Variants in POU2F3 observed in about 807,000 individuals in gnomAD.
POU2F3 encodes POU domain, class 2, transcription factor 3.
Under a neutral mutation model 59.2 loss-of-function variants are expected in POU2F3, and 23 were observed. The observed-to-expected ratio is 0.39, with a 90% CI of 0.28 to 0.55. The LOEUF (loss-of-function observed/expected upper bound fraction) is 0.55, where lower values mean the gene tolerates loss of function less well. Ranked by LOEUF, POU2F3 falls within the 20% of genes least tolerant of loss-of-function variation. The pLI, the probability that POU2F3 is intolerant of heterozygous loss-of-function variation, is 0.66. For synonymous variants in POU2F3, 190 were observed against 214.6 expected (o/e 0.89, Z 1.00); for missense variants, 473 against 544.5 (o/e 0.87, Z 1.31).
At chr11:120,238,490 CA>C (rs901105440), upstream of POU2F3, among the ~76,000 whole-genome samples, 1 of 151,942 alleles carries the variant, frequency 6.6e-6, no homozygotes, top group African/African-American at 2.4e-5. Context: ...AGTTACCAAC[CA>C]GGGGGTAAGC....
At chr11:120,279,547 A>T in intron 3 of POU2F3, among the ~76,000 whole-genome samples, 1 of 152,146 alleles carries the variant, frequency 6.6e-6, no homozygotes, top group East Asian at 1.9e-4. Flanking sequence ...GGAATCCATC[A>T]TCTCCCAATC....
chr11:120,260,642 A>G (rs1257185173), intron 2 of POU2F3, among the ~76,000 whole-genome samples: 1 of 152,150 alleles, frequency 6.6e-6, no homozygotes, highest in African/African-American at 2.4e-5. Flanking sequence ...AATCCCTCCA[A>G]CTGCAGCTTG....
Position 120,248,771 on chromosome 11 carries a change from C to T in POU2F3, c.97+2254C>T, listed in dbSNP as rs115895131. Among the ~76,000 whole-genome samples, 944 of 152,284 alleles carry T rather than the reference C, an allele frequency of 6.2e-3. 9 individuals carry two copies. The highest frequency in any genetic ancestry group is 0.021 in the African/African-American group (888 of 41,550). On this transcript the variant is annotated intron_variant, in intron 2 of 12. Coordinates refer to ENST00000543440, the MANE Select transcript of POU2F3 (RefSeq NM_014352.4). Reference sequence around the variant, plus strand: ...GAAAGAGGTGGCTAATTAAAGTAACCAAACTTCCTGGAAAGTCGTTCTGAC... The same window carrying T: ...GAAAGAGGTGGCTAATTAAAGTAACTAAACTTCCTGGAAAGTCGTTCTGAC...
At position 120,315,711 on chromosome 11, in the gene POU2F3, G is replaced by C. The variant is rs938657876; in HGVS notation, c.1135+284G>C. 2.6e-5 allele frequency among the ~76,000 whole-genome samples: 4 copies of C among 152,082 alleles called. 1 individual carries two copies. The highest frequency in any genetic ancestry group is 2.6e-4 in the Admixed American group (4 of 15,274). ...AAATGAACTGTGTGGAAGGCCCAGG[G>C]GAGGCAAGGCTTCCCAAAGTAATAC... On this transcript the variant is annotated intron_variant, in intron 11 of 12. Coordinates refer to ENST00000543440, the MANE Select transcript of POU2F3 (RefSeq NM_014352.4).
upstream of POU2F3, chr11:120,236,711 A>AT (rs748637921): frequency 1.0e-5 from 15 of 1,486,920 alleles, no homozygotes; most frequent in African/African-American, 8.3e-5. Flanking sequence ...GGAAGGGGTA[A>AT]AGGAGTTCTC....
chr11:120,269,868 AG>A (rs1939987486), intron 3 of POU2F3, among the ~76,000 whole-genome samples: 1 of 152,132 alleles, frequency 6.6e-6, no homozygotes, highest in Admixed American at 6.5e-5. Flanking sequence ...TGTAAAGAGA[AG>A]GGGGAAGCCG....
Position 120,285,762 on chromosome 11 carries a change from C to A in POU2F3, c.133-12503C>A, listed in dbSNP as rs1232188220. Among the ~76,000 whole-genome samples the A allele has an allele frequency of 1.3e-5, 2 of 152,152 alleles. No homozygotes were observed. The highest frequency in any genetic ancestry group is 2.1e-4 in the South Asian group (1 of 4,824). ...CCTACACACATATGTACAAATTATA[C>A]CGTATATATTCTTTAGTGGCTTTTA... is the stretch of plus-strand genomic sequence containing the variant. On this transcript the variant is annotated intron_variant, in intron 3 of 12. Coordinates refer to ENST00000543440, the MANE Select transcript of POU2F3 (RefSeq NM_014352.4). The surrounding 1 kb of genome is among the most constrained non-coding windows in gnomAD (Gnocchi z 4.3).
At chr11:120,269,183 A>G in intron 2 of POU2F3, 27 bp from the exon 3 acceptor site, 1 of 1,546,330 alleles carries the variant, frequency 6.5e-7, no homozygotes, top group African/African-American at 1.4e-5. Flanking sequence ...CTACCAACTA[A>G]TATACATATA....
At chr11:120,261,704 T>C (rs1939610826) in intron 2 of POU2F3, among the ~76,000 whole-genome samples, 2 of 152,190 alleles carry the variant, frequency 1.3e-5, no homozygotes, top group African/African-American at 4.8e-5. Flanking sequence ...CCTGTGCCTC[T>C]CTTTGCAGAT....
chr11:120,312,277 T>TTTTG (rs1335418034), intron 10 of POU2F3, among the ~76,000 whole-genome samples: 4 of 152,016 alleles, frequency 2.6e-5, no homozygotes, highest in African/African-American at 9.7e-5. Context: ...GCACCCACCA[T>TTTTG]CACACCTGGC....
chr11:120,239,600 G>A (rs1938583006), upstream of POU2F3, among the ~76,000 whole-genome samples: 1 of 152,200 alleles, frequency 6.6e-6, no homozygotes. Flanking sequence ...CCACAATGCT[G>A]TGAGGATGCC....
chr11:120,305,583 G>A, intron 7 of POU2F3, 61 bp from the exon 8 acceptor site: 2 of 1,594,190 alleles, frequency 1.3e-6, no homozygotes, highest in Non-Finnish European at 1.7e-6. Context: ...CATGCAGGAT[G>A]TGGGCAAACA....
chr11:120,317,038 C>G (rs746668457), intron 11 of POU2F3, 191 bp from the exon 12 acceptor site: 1 of 638,470 alleles, frequency 1.6e-6, no homozygotes. Context: ...GCATTTGTGA[C>G]GACAGCCCCT....
Position 120,318,333 on chromosome 11 carries a change from G to T in POU2F3, c.1272-20G>T. 1 of 1,592,896 alleles carries T rather than the reference G, an allele frequency of 6.3e-7. No homozygotes were observed. Among genetic ancestry groups the T allele is most frequent in the Non-Finnish European group, 8.6e-7 (1 of 1,160,754 alleles). On this transcript the variant is annotated intron_variant, in intron 12 of 12. Transcript: ENST00000543440. ...CCATCACATTATTAGCTTTAGGATT[G>T]ACTTCTTTCTTCCTTCCAGATCTTG...
rs752923284 is a variant in POU2F3, at chr11:120,305,635, C to T, written c.628-9C>T. ...TCTCATGTTCCTCCCCCTCGGTCCCCACGCTTAGGGAGATGTGGGGCTGGC... is the reference window on the plus strand; with the variant it reads ...TCTCATGTTCCTCCCCCTCGGTCCCTACGCTTAGGGAGATGTGGGGCTGGC... On this transcript the variant is annotated splice_polypyrimidine_tract_variant and intron_variant, in intron 7 of 12. Coordinates refer to ENST00000543440, the MANE Select transcript of POU2F3 (RefSeq NM_014352.4). The T allele has an allele frequency of 4.3e-6, 7 of 1,613,410 alleles. No individual in the cohort carries two copies. In the East Asian group the frequency reaches 6.7e-5, roughly 15 times the overall value.
chr11:120,247,566 G>T (rs906287688), intron 2 of POU2F3, among the ~76,000 whole-genome samples: 1 of 152,230 alleles, frequency 6.6e-6, no homozygotes, highest in Non-Finnish European at 1.5e-5. Context: ...CTTATGTACA[G>T]AGGCAGCAAG....
chr11:120,257,452 C>T (rs1314248339), intron 2 of POU2F3, among the ~76,000 whole-genome samples: 1 of 151,338 alleles, frequency 6.6e-6, no homozygotes. Flanking sequence ...GGTCACCATA[C>T]CCTTCAATTC....
chr11:120,248,991 C>G (rs575958227), intron 2 of POU2F3, among the ~76,000 whole-genome samples: 7 of 152,160 alleles, frequency 4.6e-5, no homozygotes, highest in Admixed American at 4.6e-4. Flanking sequence ...GAAAGCACCC[C>G]CTGTGCTGCG....
intron 3 of POU2F3, among the ~76,000 whole-genome samples, chr11:120,279,651 C>T (rs1940483023): frequency 1.3e-5 from 2 of 152,220 alleles, no homozygotes; most frequent in Admixed American, 6.5e-5. Flanking sequence ...TTTTGCCAGC[C>T]ATGCTTGGTG....
Sources: allele counts gnomAD v4.1 joint callset (sites outside exome capture counted in the v4.1 genomes callset), GRCh38; gene constraint gnomAD v4.1.1; non-coding constraint Gnocchi (gnomAD v3.1); transcripts MANE v1.5; gene names NCBI Gene and HGNC (gene_info 2026-07-23, HGNC 2026-07-21).